WDR70: variants seen among roughly 807,000 people sequenced by gnomAD.
The protein encoded by WDR70 is WD repeat-containing protein 70.
Under a neutral mutation model 88.6 loss-of-function variants are expected in WDR70, and 53 were observed. That is an observed-to-expected ratio of 0.60 (90% CI 0.48 to 0.75). WDR70 has a LOEUF of 0.75. WDR70 is among the 30% of genes least tolerant of loss of function. WDR70 has a pLI of 0.00. For synonymous variants in WDR70, 280 were observed against 270.0 expected (o/e 1.04, Z -0.36); for missense variants, 610 against 823.2 (o/e 0.74, Z 3.17).
At position 37,702,560 on chromosome 5, in the gene WDR70, T is replaced by A. The variant is rs368906866; in HGVS notation, c.1278-389T>A. On this transcript the variant is annotated intron_variant, in intron 12 of 17. Coordinates refer to ENST00000265107, the MANE Select transcript of WDR70 (RefSeq NM_018034.4). ...AAAATAATCATTACTTAGACATTAG[T>A]CAAATATATATCTGTCCGTAGACAC... 3.9e-5 allele frequency among the ~76,000 whole-genome samples: 6 copies of A among 152,314 alleles called. No individual in the cohort carries two copies. The East Asian group carries it at 1.2e-3, about 29-fold the overall frequency.
chr5:37,730,036 A>G (rs1486708882), intron 17 of WDR70, among the ~76,000 whole-genome samples: 2 of 152,102 alleles, frequency 1.3e-5, no homozygotes, highest in Non-Finnish European at 2.9e-5. Context: ...AATGTAAATC[A>G]TCTTTTTTTC....
chr5:37,678,843 A>G (rs1326242675), intron 10 of WDR70, among the ~76,000 whole-genome samples: 4 of 152,176 alleles, frequency 2.6e-5, no homozygotes, highest in Non-Finnish European at 4.4e-5. Context: ...ACTTGGTTCC[A>G]TTCTCCCCGT....
chr5:37,510,034 G>C (rs1223359555), intron 8 of WDR70, among the ~76,000 whole-genome samples: 1 of 150,700 alleles, frequency 6.6e-6, no homozygotes, highest in East Asian at 1.9e-4. Context: ...CATTGCACTT[G>C]AGCCTCAGCA....
intron 9 of WDR70, among the ~76,000 whole-genome samples, chr5:37,583,654 C>G (rs1281720116): frequency 6.9e-6 from 1 of 144,608 alleles, no homozygotes; most frequent in Non-Finnish European, 1.5e-5. Context: ...GGATGATTGA[C>G]TATGACACGC....
At chr5:37,668,277 A>C (rs1745922332) in intron 10 of WDR70, among the ~76,000 whole-genome samples, 1 of 152,220 alleles carries the variant, frequency 6.6e-6, no homozygotes, top group African/African-American at 2.4e-5. Flanking sequence ...GCATCAGAAC[A>C]GTAAAATATA....
intron 10 of WDR70, among the ~76,000 whole-genome samples, chr5:37,677,677 G>C (rs1167436128): frequency 5.1e-5 from 5 of 97,532 alleles, no homozygotes. Context: ...TTTTGGAATA[G>C]GTGTGGGGTG....
intron 5 of WDR70, among the ~76,000 whole-genome samples, chr5:37,427,397 AAAAT>A (rs1433055744): frequency 0.051 from 577 of 11,280 alleles, 2 homozygotes; most frequent in Middle Eastern, 0.5. Flanking sequence ...TCAAAAATAA[AAAAT>A]AAAAAAAAAA....
At chr5:37,401,252 C>T (rs1395767264) in intron 5 of WDR70, among the ~76,000 whole-genome samples, 1 of 143,136 alleles carries the variant, frequency 7.0e-6, no homozygotes, top group Non-Finnish European at 1.5e-5. Flanking sequence ...TCAAGTGATC[C>T]TCCTGTCTTG....
chr5:37,523,016 A>C lies in WDR70; in HGVS notation c.917+6426A>C, dbSNP rs185168198. Reference sequence around the variant, plus strand: ...ACTGGGTGGAGCCCACCGCAGCTCAAGGAGGCCTGCCTGCCTCTGTAGACT... The same window carrying C: ...ACTGGGTGGAGCCCACCGCAGCTCACGGAGGCCTGCCTGCCTCTGTAGACT... On this transcript the variant is annotated intron_variant, in intron 9 of 17. Coordinates refer to ENST00000265107, the MANE Select transcript of WDR70 (RefSeq NM_018034.4). 2.6e-5 allele frequency among the ~76,000 whole-genome samples: 4 copies of C among 152,358 alleles called. No homozygotes were observed. The East Asian group carries it at 5.8e-4, about 22-fold the overall frequency.
chr5:37,626,431 G>A (rs1258289568), intron 10 of WDR70, among the ~76,000 whole-genome samples: 2 of 152,098 alleles, frequency 1.3e-5, no homozygotes, highest in African/African-American at 4.8e-5. Context: ...TGTATATGTT[G>A]AGACATCCTT....
intron 7 of WDR70, among the ~76,000 whole-genome samples, chr5:37,460,762 A>C (rs1237062685): frequency 6.6e-6 from 1 of 151,810 alleles, no homozygotes; most frequent in Non-Finnish European, 1.5e-5. Context: ...TTGCATAGGA[A>C]GTTTTTGTTT....
chr5:37,394,743 CAG>C (rs1748957075), intron 4 of WDR70, among the ~76,000 whole-genome samples: 1 of 152,108 alleles, frequency 6.6e-6, no homozygotes, highest in South Asian at 2.1e-4. Context: ...AGTCAGCCGA[CAG>C]AACTACAAGT....
At chr5:37,533,016 G>T (rs551205125) in intron 9 of WDR70, among the ~76,000 whole-genome samples, 1 of 152,282 alleles carries the variant, frequency 6.6e-6, no homozygotes, top group Non-Finnish European at 1.5e-5. Flanking sequence ...CCGAACTGGA[G>T]TGATTGTTTT....
intron 9 of WDR70, among the ~76,000 whole-genome samples, chr5:37,596,093 TAC>T (rs781174706): frequency 4.6e-5 from 7 of 152,188 alleles, no homozygotes; most frequent in Non-Finnish European, 8.8e-5. Flanking sequence ...CGCTTAACAT[TAC>T]TGAAAGTCAG....
chr5:37,733,576 T>C (rs1581535356), intron 17 of WDR70, among the ~76,000 whole-genome samples: 1 of 152,074 alleles, frequency 6.6e-6, no homozygotes, highest in South Asian at 2.1e-4. Context: ...TTCTGTTCTG[T>C]CAATTGGTCT....
At chr5:37,457,174 C>A (rs1393700365) in intron 7 of WDR70, among the ~76,000 whole-genome samples, 1 of 152,156 alleles carries the variant, frequency 6.6e-6, no homozygotes, top group Admixed American at 6.5e-5. Flanking sequence ...TGGCTCACCA[C>A]AACCTCCACC....
At chr5:37,479,366 GTTTTTTT>G in intron 7 of WDR70, 1 of 133,046 alleles carries the variant, frequency 7.5e-6, no homozygotes, top group Non-Finnish European at 1.6e-5. Flanking sequence ...GGTGGTGGTT[GTTTTTTT>G]TTTTTTTTTT....
intron 12 of WDR70, among the ~76,000 whole-genome samples, chr5:37,701,511 C>G (rs904435344): frequency 6.6e-5 from 10 of 152,046 alleles, no homozygotes; most frequent in African/African-American, 2.4e-4. Flanking sequence ...TCTAGTCAGC[C>G]AGGCATGGTG....
chr5:37,400,594 A>G (rs968230315), intron 5 of WDR70, among the ~76,000 whole-genome samples: 2 of 152,332 alleles, frequency 1.3e-5, no homozygotes, highest in Admixed American at 1.3e-4. Flanking sequence ...GTGGTCGTCT[A>G]CAAGCCAGGA....
Sources: gnomAD v4.1 joint callset for allele counts (sites outside exome capture counted in the v4.1 genomes callset) on GRCh38, gnomAD v4.1.1 for gene constraint, MANE v1.5 for transcripts, NCBI Gene and HGNC (gene_info 2026-07-23, HGNC 2026-07-21) for gene names.